ASTN2: variants seen among roughly 807,000 people sequenced by gnomAD.
ASTN2 encodes the protein astrotactin-2.
A neutral mutation model predicts 139.8 loss-of-function variants in ASTN2; 54 were observed. The ratio of observed to expected loss-of-function variants is 0.39; its 90% CI spans 0.31 to 0.48. The LOEUF is 0.48. Among genes scored for constraint, ASTN2 ranks in the 20% least tolerant of loss-of-function variants. The pLI is 0.95. For missense variants in ASTN2, 1,565 were observed against 1,725.1 expected (o/e 0.91, Z 1.64); for synonymous variants, 756 against 719.5 (o/e 1.05, Z -0.81).
At chr9:116,736,104 T>C (rs1588251142) in intron 13 of ASTN2, among the ~76,000 whole-genome samples, 1 of 152,152 alleles carries the variant, frequency 6.6e-6, no homozygotes, top group Non-Finnish European at 1.5e-5. Context: ...AAGTGGGAGA[T>C]CCCAGGTGGT....
chr9:116,667,549 T>C (rs1054255827), intron 16 of ASTN2, among the ~76,000 whole-genome samples: 2 of 152,218 alleles, frequency 1.3e-5, no homozygotes, highest in South Asian at 4.1e-4. Flanking sequence ...AGATTTATTA[T>C]ACCATTTTCT....
chr9:116,556,181 G>T (rs1353930413), intron 19 of ASTN2, among the ~76,000 whole-genome samples: 1 of 152,212 alleles, frequency 6.6e-6, no homozygotes, highest in Non-Finnish European at 1.5e-5. Flanking sequence ...GGAGTGCTCT[G>T]AGTTGAGTGC....
intron 19 of ASTN2, among the ~76,000 whole-genome samples, chr9:116,615,317 C>T (rs535680657): frequency 2.0e-4 from 30 of 152,252 alleles, no homozygotes; most frequent in Middle Eastern, 3.4e-3. Context: ...GACAGTGTGG[C>T]GATTCCTCAA....
intron 3 of ASTN2, among the ~76,000 whole-genome samples, chr9:117,146,305 C>A (rs1830194368): frequency 6.6e-6 from 1 of 151,796 alleles, no homozygotes; most frequent in Non-Finnish European, 1.5e-5. Context: ...TCGCGGCAGG[C>A]CCAGGAAAGG....
intron 2 of ASTN2, among the ~76,000 whole-genome samples, chr9:117,224,413 A>C (rs1300298858): frequency 1.3e-5 from 2 of 152,090 alleles, no homozygotes; most frequent in African/African-American, 2.4e-5. Context: ...ATTTGATACA[A>C]AGTAGTGGTG....
At chr9:116,576,946 A>G (rs2131702311) in intron 19 of ASTN2, among the ~76,000 whole-genome samples, 2 of 152,242 alleles carry the variant, frequency 1.3e-5, no homozygotes, top group Admixed American at 1.3e-4. Flanking sequence ...AGGAATACCA[A>G]AAACAACACC....
chr9:116,902,757 C>T (rs1166582846), intron 10 of ASTN2, among the ~76,000 whole-genome samples: 1 of 152,126 alleles, frequency 6.6e-6, no homozygotes, highest in East Asian at 1.9e-4. Flanking sequence ...TAAGTCTATC[C>T]TCAACAAAGC....
intron 2 of ASTN2, among the ~76,000 whole-genome samples, chr9:117,233,982 C>T (rs1472228587): frequency 1.3e-5 from 2 of 152,182 alleles, no homozygotes; most frequent in African/African-American, 4.8e-5. Context: ...GTCCTATGAA[C>T]TGGAGTTTCT....
intron 20 of ASTN2, among the ~76,000 whole-genome samples, chr9:116,448,407 C>T (rs989027281): frequency 1.3e-5 from 2 of 152,210 alleles, no homozygotes; most frequent in African/African-American, 2.4e-5. Context: ...CACCTCAGTG[C>T]CCATCTCTAT....
intron 10 of ASTN2, among the ~76,000 whole-genome samples, chr9:116,893,703 C>G (rs1185711126): frequency 6.6e-6 from 1 of 152,094 alleles, no homozygotes; most frequent in South Asian, 2.1e-4. Flanking sequence ...CCCTCCCTCT[C>G]TCCTCTCTTC....
intron 11 of ASTN2, among the ~76,000 whole-genome samples, chr9:116,829,864 C>A (rs114281687): frequency 0.021 from 3,205 of 152,202 alleles, 139 homozygotes; most frequent in African/African-American, 0.073. Context: ...ATATTTCTCG[C>A]CACATATTTT....
intron 10 of ASTN2, among the ~76,000 whole-genome samples, chr9:116,942,763 T>C (rs559096273): frequency 5.9e-5 from 9 of 152,170 alleles, no homozygotes; most frequent in Non-Finnish European, 1.2e-4. Flanking sequence ...ATGAGGAAGA[T>C]TGAAACAATA....
intron 10 of ASTN2, among the ~76,000 whole-genome samples, chr9:116,931,325 G>A (rs572113869): frequency 9.9e-5 from 15 of 152,136 alleles, no homozygotes; most frequent in Non-Finnish European, 2.1e-4. Flanking sequence ...GGATGGGGAG[G>A]TTGGCAAGGA....
intron 22 of ASTN2, among the ~76,000 whole-genome samples, chr9:116,436,751 C>T (rs1465529195): frequency 6.6e-6 from 1 of 152,000 alleles, no homozygotes; most frequent in Non-Finnish European, 1.5e-5. Flanking sequence ...TATAAAGACA[C>T]ATGCACACGT....
At chr9:117,187,700 A>T (rs150811085) in intron 3 of ASTN2, among the ~76,000 whole-genome samples, 111 of 152,284 alleles carry the variant, frequency 7.3e-4, no homozygotes, top group Middle Eastern at 3.4e-3. Flanking sequence ...ATCAGCAAGA[A>T]GGCCCTCACC....
intron 19 of ASTN2, among the ~76,000 whole-genome samples, chr9:116,560,168 C>A (rs58531689): frequency 6.6e-6 from 1 of 151,996 alleles, no homozygotes; most frequent in African/African-American, 2.4e-5. Flanking sequence ...GTGACTTACA[C>A]ATTTCTTTGG....
intron 12 of ASTN2, among the ~76,000 whole-genome samples, chr9:116,820,235 C>G (rs1831448697): frequency 2.0e-5 from 3 of 152,306 alleles, no homozygotes; most frequent in East Asian, 1.9e-4. Flanking sequence ...CTTTTATGCA[C>G]CATACCTGAA....
At chr9:117,368,299 A>G (rs897362883) in intron 1 of ASTN2, among the ~76,000 whole-genome samples, 1 of 152,078 alleles carries the variant, frequency 6.6e-6, no homozygotes. Flanking sequence ...GCATGCACAC[A>G]CACACATTCA....
chr9:116,533,822 C>CT (rs1429714176), intron 19 of ASTN2, among the ~76,000 whole-genome samples: 2 of 152,174 alleles, frequency 1.3e-5, no homozygotes, highest in South Asian at 2.1e-4. Context: ...CTAAAATTCT[C>CT]TTTTTTTGTT....
Sources: gnomAD v4.1 joint callset for allele counts (sites outside exome capture counted in the v4.1 genomes callset) on GRCh38, gnomAD v4.1.1 for gene constraint, MANE v1.5 for transcripts, NCBI Gene and HGNC (gene_info 2026-07-23, HGNC 2026-07-21) for gene names.